The following TXLNB variants were observed in gnomAD, a reference collection of about 807,000 sequenced individuals.
TXLNB encodes taxilin beta.
In TXLNB, 37 loss-of-function variants were observed where a neutral mutation model predicts 57.4. That is an observed-to-expected ratio of 0.64 (90% CI 0.50 to 0.85). The LOEUF is 0.85. Ranked by LOEUF, TXLNB falls within the 40% of genes least tolerant of loss-of-function variation. The pLI is 0.00. For missense variants in TXLNB, 848 were observed against 825.6 expected, an observed-to-expected ratio of 1.03 and a Z score of -0.33; for synonymous variants, 302 against 309.6, an observed-to-expected ratio of 0.98 and a Z score of 0.26.
At chr6:139,226,354 C>T in the TXLNB span, among the ~76,000 whole-genome samples, 3 of 130,988 alleles carry the variant, frequency 2.3e-5, no homozygotes, top group South Asian at 8.0e-4. Context: ...GAAAGACACA[C>T]ATACACCTGA....
the TXLNB span, among the ~76,000 whole-genome samples, chr6:139,172,721 A>G: frequency 1.3e-5 from 2 of 152,320 alleles, no homozygotes; most frequent in South Asian, 4.1e-4. Flanking sequence ...TACGGATCCG[A>G]GAGACATGAA....
the TXLNB span, among the ~76,000 whole-genome samples, chr6:139,196,365 G>GTTTTT: frequency 6.7e-4 from 26 of 38,990 alleles, 3 homozygotes; most frequent in East Asian, 1.2e-3. Context: ...TCCAGATCTG[G>GTTTTT]TTTTTTTTTT....
chr6:139,202,712 C>G, the TXLNB span, among the ~76,000 whole-genome samples: 2 of 152,272 alleles, frequency 1.3e-5, no homozygotes, highest in African/African-American at 4.8e-5. Flanking sequence ...GTGTTAGAAA[C>G]ATTCAAAATC....
At chr6:139,174,959 A>G in the TXLNB span, among the ~76,000 whole-genome samples, 1 of 152,300 alleles carries the variant, frequency 6.6e-6, no homozygotes, top group African/African-American at 2.4e-5. Context: ...AATAGAAAAA[A>G]TGTTATTCAA....
chr6:139,211,067 A>C, the TXLNB span, among the ~76,000 whole-genome samples: 1 of 152,218 alleles, frequency 6.6e-6, no homozygotes, highest in African/African-American at 2.4e-5. Flanking sequence ...GGGCACAGAC[A>C]AACAAGAGAC....
chr6:139,258,132 G>A (rs1173818559), intron 6 of TXLNB, among the ~76,000 whole-genome samples: 2 of 152,140 alleles, frequency 1.3e-5, no homozygotes, highest in Non-Finnish European at 2.9e-5. Context: ...ATATCTCATC[G>A]CTTCCAAAAG....
the TXLNB span, among the ~76,000 whole-genome samples, chr6:139,215,053 C>T: frequency 6.6e-6 from 1 of 151,968 alleles, no homozygotes; most frequent in Admixed American, 6.6e-5. Context: ...CCATACTGCC[C>T]AAGGTAATTT....
intron 6 of TXLNB, among the ~76,000 whole-genome samples, chr6:139,256,614 C>T (rs1363499333): frequency 1.3e-5 from 2 of 152,248 alleles, no homozygotes; most frequent in Non-Finnish European, 2.9e-5. Context: ...AGGCGTGAGC[C>T]GCCGTGCCCG....
chr6:139,169,788 C>T, the TXLNB span: 2 of 152,212 alleles, frequency 1.3e-5, no homozygotes, highest in South Asian at 4.1e-4. Context: ...TCTCTAGAGG[C>T]TTAAGCTTGG....
chr6:139,242,549 T>TG lies in TXLNB; in HGVS notation c.2031dup (p.Thr678HisfsTer26). ...GCTTAGTCGACGCCTTCCAGATTGG[T>TG]GTCAGCCACGTTGCGCGGCTGGGGC... is the stretch of plus-strand genomic sequence containing the variant. On this transcript the variant is annotated frameshift_variant, in exon 10 of 10. Coordinates refer to ENST00000358430, the MANE Select transcript of TXLNB (RefSeq NM_153235.4). LOFTEE classifies it high-confidence loss of function. The TG allele has an allele frequency of 6.6e-7, 1 of 1,507,732 alleles. No homozygotes were observed. Among genetic ancestry groups the TG allele is most frequent in the Admixed American group, 2.3e-5 (1 of 42,990 alleles). 93.4% of individuals were successfully genotyped at this position (1,507,732 alleles called of 1,614,324 possible).
At chr6:139,310,915 G>A in the TXLNB span, among the ~76,000 whole-genome samples, 1 of 152,128 alleles carries the variant, frequency 6.6e-6, no homozygotes, top group Non-Finnish European at 1.5e-5. Flanking sequence ...GGTGGATCTC[G>A]AACTCCTGAC....
At chr6:139,319,737 C>A in the TXLNB span, among the ~76,000 whole-genome samples, 1 of 151,958 alleles carries the variant, frequency 6.6e-6, no homozygotes, top group African/African-American at 2.4e-5. Flanking sequence ...TGCACTCCAG[C>A]CTGGGTGGCA....
chr6:139,245,838 G>A (rs1376944047), intron 8 of TXLNB, among the ~76,000 whole-genome samples: 1 of 151,658 alleles, frequency 6.6e-6, no homozygotes, highest in African/African-American at 2.4e-5. Flanking sequence ...GATTACAGGC[G>A]CCTGCCACCA....
intron 3 of TXLNB, among the ~76,000 whole-genome samples, chr6:139,274,208 A>T (rs1053461531): frequency 4.6e-5 from 7 of 152,234 alleles, no homozygotes; most frequent in Non-Finnish European, 1.0e-4. Flanking sequence ...TTTATTTATT[A>T]ATGAATACAA....
the TXLNB span, among the ~76,000 whole-genome samples, chr6:139,194,826 AG>A: frequency 6.6e-6 from 1 of 152,222 alleles, no homozygotes; most frequent in African/African-American, 2.4e-5. Context: ...GTAAACTCTT[AG>A]GGAAGTGTTA....
At position 139,241,118 on chromosome 6, in the gene TXLNB, T is replaced by C. The variant is rs1401993083; in HGVS notation, c.*1408A>G. On this transcript the variant is annotated 3_prime_UTR_variant, in exon 10 of 10. Coordinates refer to ENST00000358430, the MANE Select transcript of TXLNB (RefSeq NM_153235.4). ...TCAAGCAATGTTAATGTAATACTCA[T>C]GTTGACAACCCCAAGTGTTTCTAGC... The C allele has an allele frequency of 6.6e-6, 1 of 152,228 alleles. No individual in the cohort carries two copies. Among genetic ancestry groups the C allele is most frequent in the Non-Finnish European group, 1.5e-5 (1 of 68,036 alleles). The allele number at this position is 152,228 out of a possible 1,614,324, so 9.4% of individuals were successfully genotyped here.
the TXLNB span, among the ~76,000 whole-genome samples, chr6:139,205,216 C>T: frequency 2.1e-4 from 32 of 152,204 alleles, no homozygotes; most frequent in African/African-American, 7.0e-4. Context: ...TCTTGGCAGC[C>T]CTCTGGGTTC....
the TXLNB span, among the ~76,000 whole-genome samples, chr6:139,233,936 C>T: frequency 1.3e-5 from 2 of 152,110 alleles, no homozygotes; most frequent in Admixed American, 6.5e-5. Flanking sequence ...TGATGAATGG[C>T]TTTGACCAAA....
At chr6:139,228,961 C>T in the TXLNB span, among the ~76,000 whole-genome samples, 7 of 152,158 alleles carry the variant, frequency 4.6e-5, no homozygotes, top group East Asian at 1.9e-4. Flanking sequence ...GTTTTAGGCC[C>T]GTCTCCTGAG....
Sources: allele counts gnomAD v4.1 joint callset (sites outside exome capture counted in the v4.1 genomes callset), GRCh38; gene constraint gnomAD v4.1.1; transcripts MANE v1.5; gene names NCBI Gene and HGNC (gene_info 2026-07-23, HGNC 2026-07-21).